SLC25A16: variants seen among roughly 807,000 people sequenced by gnomAD.
SLC25A16 encodes the protein solute carrier family 25 member 16, also known as mitochondrial coenzyme A transporter SLC25A16.
In SLC25A16, 39 loss-of-function variants were observed where a neutral mutation model predicts 41.5. The observed-to-expected ratio is 0.94, with a 90% CI of 0.73 to 1.23. The LOEUF is 1.23. Among genes scored for constraint, SLC25A16 ranks in the 50% most tolerant of loss-of-function variants. The probability of loss-of-function intolerance (pLI) is 0.00; values close to 1 mark genes in which losing one functional copy is unlikely to be tolerated. For synonymous variants in SLC25A16, 146 were observed against 147.8 expected (o/e 0.99, Z 0.09); for missense variants, 421 against 426.9 (o/e 0.99, Z 0.12).
intron 8 of SLC25A16, among the ~76,000 whole-genome samples, chr10:68,486,443 A>G (rs2052564806): frequency 6.6e-6 from 1 of 150,624 alleles, no homozygotes; most frequent in Non-Finnish European, 1.5e-5. Context: ...TGTTTTTTTT[A>G]TTGAGATGGA....
intron 2 of SLC25A16, among the ~76,000 whole-genome samples, chr10:68,514,429 G>A (rs975846808): frequency 6.6e-6 from 1 of 152,108 alleles, no homozygotes; most frequent in African/African-American, 2.4e-5. Flanking sequence ...CCGGAAGGCG[G>A]AGGTTGCAGT....
At position 68,519,503 on chromosome 10, in the gene SLC25A16, A is replaced by G. The variant is rs146878277; in HGVS notation, c.131-2660T>C. Among the ~76,000 whole-genome samples, 834 of 151,870 alleles carry G rather than the reference A, an allele frequency of 5.5e-3. 7 individuals carry two copies. The highest frequency in any genetic ancestry group is 0.019 in the African/African-American group (775 of 41,386). On this transcript the variant is annotated intron_variant, in intron 1 of 8. Coordinates refer to ENST00000609923, the MANE Select transcript of SLC25A16 (RefSeq NM_152707.4). Reference sequence around the variant, plus strand: ...TCCATCTCAAAAAAAAAAAAAAAGTAAATCATAATCATAGCTATCCAAAAT... The same window carrying G: ...TCCATCTCAAAAAAAAAAAAAAAGTGAATCATAATCATAGCTATCCAAAAT...
intron 2 of SLC25A16, among the ~76,000 whole-genome samples, chr10:68,509,780 T>TAG (rs1564923147): frequency 4.1e-4 from 61 of 149,436 alleles, no homozygotes; most frequent in Middle Eastern, 7.2e-3. Flanking sequence ...TAGATAGATA[T>TAG]ATAGATAGAT....
intron 8 of SLC25A16, among the ~76,000 whole-genome samples, chr10:68,486,231 C>CAAAAA (rs569434507): frequency 2.4e-5 from 2 of 85,054 alleles, no homozygotes; most frequent in Admixed American, 1.1e-4. Flanking sequence ...AAAAACAAAA[C>CAAAAA]AAAAAAAAAA....
chr10:68,503,129 A>G (rs2052886173), intron 4 of SLC25A16: 1 of 152,330 alleles, frequency 6.6e-6, no homozygotes, highest in Non-Finnish European at 1.5e-5. Context: ...TTTTTAAAGA[A>G]AAAAGAAATT....
Position 68,516,806 on chromosome 10 carries a change from T to A in SLC25A16, c.168A>T (p.Pro56=). The A allele has an allele frequency of 6.2e-7, 1 of 1,613,642 alleles. No homozygotes were observed. The highest frequency in any genetic ancestry group is 8.5e-7 in the Non-Finnish European group (1 of 1,179,728). The change falls in exon 2 of 9, where the codon CCA becomes CCT. Residue 56 remains proline (P), a synonymous_variant. Transcript: ENST00000609923. ...GTAATAAAACCTTTACTCGATCCAA[T>A]GGAGCAACTGTTGTTTTGGCACAGC... ...AGCCAKTTVA[P]LDRVKVLLQA... is the part of the protein sequence containing the mutation.
Position 68,481,440 on chromosome 10 carries a change from CA to C in SLC25A16, c.*1991del. 1 of 152,064 alleles carries C rather than the reference CA, an allele frequency of 6.6e-6. No homozygotes were observed. The highest frequency in any genetic ancestry group is 1.5e-5 in the Non-Finnish European group (1 of 67,990). 9.4% of individuals were successfully genotyped at this position (152,064 alleles called of 1,614,324 possible). ...TTATGTAAAGAAATAAAAATTGAAGCAAAAATAACACTTTCAACTTAGTTTT... is the reference window on the plus strand; with the variant it reads ...TTATGTAAAGAAATAAAAATTGAAGCAAAATAACACTTTCAACTTAGTTTT... On this transcript the variant is annotated 3_prime_UTR_variant, in exon 9 of 9. Coordinates refer to ENST00000609923, the MANE Select transcript of SLC25A16 (RefSeq NM_152707.4).
At chr10:68,499,243 C>T (rs2052800378) in intron 4 of SLC25A16, among the ~76,000 whole-genome samples, 1 of 152,174 alleles carries the variant, frequency 6.6e-6, no homozygotes, top group African/African-American at 2.4e-5. Context: ...CAGGCAGGAT[C>T]CCAGCAAGTG....
chr10:68,521,127 C>T (rs1429615576), intron 1 of SLC25A16, among the ~76,000 whole-genome samples: 3 of 141,202 alleles, frequency 2.1e-5, no homozygotes, highest in African/African-American at 8.4e-5. Flanking sequence ...AGTGAGACTC[C>T]GTCTCCAAAA....
chr10:68,515,148 G>A (rs1263877674), intron 2 of SLC25A16, among the ~76,000 whole-genome samples: 1 of 150,378 alleles, frequency 6.6e-6, no homozygotes, highest in East Asian at 2.0e-4. Context: ...CCTGAGGTCG[G>A]GAGTTCGAGA....
At chr10:68,511,276 A>C (rs1212398215) in intron 2 of SLC25A16, among the ~76,000 whole-genome samples, 1 of 152,188 alleles carries the variant, frequency 6.6e-6, no homozygotes, top group Non-Finnish European at 1.5e-5. Flanking sequence ...AAAGCCACCA[A>C]TACAGATTTA....
intron 6 of SLC25A16, among the ~76,000 whole-genome samples, chr10:68,489,607 A>T (rs2052622784): frequency 6.6e-6 from 1 of 152,090 alleles, no homozygotes; most frequent in African/African-American, 2.4e-5. Context: ...AGATATTGTG[A>T]TGTTTATTGA....
rs367685072 is a variant in SLC25A16, at chr10:68,493,212, G to A, written c.544-14C>T. ...GAAACCACCTTCCTTTTGAGTGAAG[G>A]AAAATTGCAAGTGAGATTACATTGT... On this transcript the variant is annotated splice_polypyrimidine_tract_variant and intron_variant, in intron 5 of 8. Coordinates refer to ENST00000609923, the MANE Select transcript of SLC25A16 (RefSeq NM_152707.4). 646 of 1,555,500 alleles carry A rather than the reference G, an allele frequency of 4.2e-4. 1 individual carries two copies. The highest frequency in any genetic ancestry group is 4.5e-4 in the Non-Finnish European group (517 of 1,142,386).
chr10:68,510,381 A>C (rs1423055206), intron 2 of SLC25A16, among the ~76,000 whole-genome samples: 1 of 151,628 alleles, frequency 6.6e-6, no homozygotes, highest in East Asian at 1.9e-4. Flanking sequence ...AAAATACAAA[A>C]AAAAAAAAAA....
At chr10:68,512,815 A>G (rs886928326) in intron 2 of SLC25A16, among the ~76,000 whole-genome samples, 5 of 152,066 alleles carry the variant, frequency 3.3e-5, no homozygotes, top group African/African-American at 4.8e-5. Context: ...AGGCGGATGG[A>G]TCAACTGAGG....
chr10:68,523,946 A>C (rs2053289493), intron 1 of SLC25A16, among the ~76,000 whole-genome samples: 1 of 151,984 alleles, frequency 6.6e-6, no homozygotes, highest in Non-Finnish European at 1.5e-5. Flanking sequence ...TAAAAATATA[A>C]AAATTAGGGC....
At position 68,493,121 on chromosome 10, in the gene SLC25A16, T is replaced by C. The variant is rs768329429; in HGVS notation, c.610+11A>G. 2.7e-5 allele frequency: 42 copies of C among 1,545,030 alleles called. No individual in the cohort carries two copies. Among genetic ancestry groups the C allele is most frequent in the Non-Finnish European group, 3.6e-5 (41 of 1,141,452 alleles). On this transcript the variant is annotated intron_variant, in intron 6 of 8. Transcript: ENST00000609923. ...CATGCATATTAGGATTCTGGCAAAT[T>C]TGAAACATACCTGCATATGGAGCCA... is the stretch of plus-strand genomic sequence containing the variant.
chr10:68,507,983 C>T (rs2133560529), intron 2 of SLC25A16, among the ~76,000 whole-genome samples: 1 of 152,260 alleles, frequency 6.6e-6, no homozygotes, highest in Middle Eastern at 3.4e-3. Context: ...GTAATCCCAG[C>T]ACTTTGGGAG....
In SLC25A16 at chr10:68,527,505, G is replaced by A. The variant is rs1210109058; in HGVS notation, c.-130C>T. On this transcript the variant is annotated 5_prime_UTR_variant, in exon 1 of 9. Coordinates refer to ENST00000609923, the MANE Select transcript of SLC25A16 (RefSeq NM_152707.4). ...GGGCAAAGTAACACCCGGCGGCGCGGCGCCGGCTGATGGCGTACAGCAAGG... is the reference window on the plus strand; with the variant it reads ...GGGCAAAGTAACACCCGGCGGCGCGACGCCGGCTGATGGCGTACAGCAAGG... 1.0e-5 allele frequency: 9 copies of A among 871,884 alleles called. No individual in the cohort carries two copies. In the African/African-American group the frequency reaches 1.1e-4, roughly 11 times the overall value. The allele number at this position is 871,884 out of a possible 1,614,324, so 54.0% of individuals were successfully genotyped here. A position where few individuals can be genotyped will look rare whatever the true frequency, so the allele number is the denominator to read the frequency against.
Sources: allele counts gnomAD v4.1 joint callset (sites outside exome capture counted in the v4.1 genomes callset), GRCh38; gene constraint gnomAD v4.1.1; transcripts MANE v1.5; gene names NCBI Gene and HGNC (gene_info 2026-07-23, HGNC 2026-07-21).